WNT11: variants seen among roughly 807,000 people sequenced by gnomAD.
WNT11 encodes the protein protein Wnt-11.
Under a neutral mutation model 35.6 loss-of-function variants are expected in WNT11, and 20 were observed. The ratio of observed to expected loss-of-function variants is 0.56; its 90% CI spans 0.40 to 0.82. The LOEUF is 0.82. Ranked by LOEUF, WNT11 falls within the 40% of genes least tolerant of loss-of-function variation. The pLI, the probability that WNT11 is intolerant of heterozygous loss-of-function variation, is 0.00. For synonymous variants in WNT11, 200 were observed against 211.9 expected (o/e 0.94, Z 0.49); for missense variants, 459 against 504.4 (o/e 0.91, Z 0.86).
upstream of WNT11, chr11:76,210,469 C>T (rs1458663724): frequency 3.0e-6 from 3 of 985,250 alleles, no homozygotes; most frequent in Non-Finnish European, 2.4e-6. Context: ...GACCACTGCT[C>T]ACCTCCCGGG....
At position 76,202,468 on chromosome 11, in the gene WNT11, C is replaced by T. The variant is rs117560486; in HGVS notation, c.83+3857G>A. ...GTGTCTCTTTGGGCTTTCCTGGGCCCCACCTCATGCTGGTGCCCATGTGGC... is the reference window on the plus strand; with the variant it reads ...GTGTCTCTTTGGGCTTTCCTGGGCCTCACCTCATGCTGGTGCCCATGTGGC... On this transcript the variant is annotated intron_variant, in intron 1 of 4. Coordinates refer to ENST00000322563, the MANE Select transcript of WNT11 (RefSeq NM_004626.3). Among the ~76,000 whole-genome samples, 998 of 152,296 alleles carry T rather than the reference C, an allele frequency of 6.6e-3. 8 individuals are homozygous for T. The highest frequency in any genetic ancestry group is 0.024 in the Middle Eastern group (7 of 294).
chr11:76,194,550 G>A lies in WNT11; in HGVS notation c.597+17C>T, dbSNP rs1256422001. ...CACAAGCACAACTATCTGGGGGTGG[G>A]TGGGGTGGGTGGTTACCTGTCTCCC... is the stretch of plus-strand genomic sequence containing the variant. On this transcript the variant is annotated intron_variant, in intron 3 of 4. Transcript: ENST00000322563. The surrounding 1 kb of genome is among the most constrained non-coding windows in gnomAD (Gnocchi z 5.4). 1 of 1,533,624 alleles carries A rather than the reference G, an allele frequency of 6.5e-7. No individual in the cohort carries two copies. The highest frequency in any genetic ancestry group is 2.0e-5 in the Admixed American group (1 of 50,298).
In WNT11 at chr11:76,194,756, G is replaced by T; in HGVS notation, c.408C>A (p.Pro136=). The change falls in exon 3 of 5, where the codon CCC becomes CCA. Residue 136 remains proline, a synonymous_variant. Coordinates refer to ENST00000322563, the MANE Select transcript of WNT11 (RefSeq NM_004626.3). The surrounding 1 kb of genome is among the most constrained non-coding windows in gnomAD (Gnocchi z 5.4). The part of the protein sequence containing the change: ...IARACTSGDL[P]GCSCGPVPGE... ...CTGGGACGGGGCCGCAGGAGCAGCC[G>T]GGCAGGTCGCCGGAGGTGCAGGCCC... is the stretch of plus-strand genomic sequence containing the variant. 6.4e-7 allele frequency: 1 copy of T among 1,553,816 alleles called. No homozygotes were observed. The highest frequency in any genetic ancestry group is 8.7e-7 in the Non-Finnish European group (1 of 1,150,050).
intron 1 of WNT11, among the ~76,000 whole-genome samples, chr11:76,202,569 C>T (rs2134598543): frequency 6.6e-6 from 1 of 152,048 alleles, no homozygotes; most frequent in Admixed American, 6.5e-5. Flanking sequence ...CCGTCTACTC[C>T]CCTGGGGCAA....
At position 76,187,045 on chromosome 11, in the gene WNT11, G is replaced by A. The variant is rs748616228; in HGVS notation, c.*20C>T. ...CCTTGAGCAGAGTCCTCGCTCCTGCGTGGGGCGGAGGGCAGGGCCTCACTT... is the reference window on the plus strand; with the variant it reads ...CCTTGAGCAGAGTCCTCGCTCCTGCATGGGGCGGAGGGCAGGGCCTCACTT... On this transcript the variant is annotated 3_prime_UTR_variant, in exon 5 of 5. Transcript: ENST00000322563. 1.7e-5 allele frequency: 28 copies of A among 1,606,928 alleles called. No individual in the cohort carries two copies. The highest frequency in any genetic ancestry group is 8.8e-5 in the South Asian group (8 of 91,070).
chr11:76,196,772 G>T, intron 1 of WNT11, 54 bp from the exon 2 acceptor site: 1 of 1,513,470 alleles, frequency 6.6e-7, no homozygotes, highest in Non-Finnish European at 8.9e-7. Context: ...GGTTGTCAGG[G>T]GCCACATGGC....
chr11:76,201,086 C>T (rs964200752), intron 1 of WNT11, among the ~76,000 whole-genome samples: 9 of 152,166 alleles, frequency 5.9e-5, no homozygotes, highest in Non-Finnish European at 1.2e-4. Context: ...CTGGAGCTAC[C>T]CTGGGTCTCA....
chr11:76,206,038 C>A (rs1343001849), intron 1 of WNT11, among the ~76,000 whole-genome samples: 2 of 152,260 alleles, frequency 1.3e-5, no homozygotes, highest in East Asian at 1.9e-4. Flanking sequence ...CCATCTGCCC[C>A]TGCGGAGGTG....
At position 76,194,754 on chromosome 11, in the gene WNT11, C is replaced by T; in HGVS notation, c.410G>A (p.Gly137Asp). 2 of 1,553,056 alleles carry T rather than the reference C, an allele frequency of 1.3e-6. No homozygotes were observed. Among genetic ancestry groups the T allele is most frequent in the East Asian group, 2.4e-5 (1 of 41,324 alleles). ...ARACTSGDLP[G>D]CSCGPVPGEP... The stretch of plus-strand genomic sequence containing the variant: ...ACCTGGGACGGGGCCGCAGGAGCAG[C>T]CGGGCAGGTCGCCGGAGGTGCAGGC... The change falls in exon 3 of 5, where the codon GGC (glycine) becomes GAC (aspartate). Residue 137 changes from glycine to aspartate, a missense_variant. Coordinates refer to ENST00000322563, the MANE Select transcript of WNT11 (RefSeq NM_004626.3). This position sits in a 1 kb window ranked among gnomAD's most constrained non-coding sequence, Gnocchi z 5.4.
intron 4 of WNT11, 114 bp downstream of exon 4, chr11:76,191,450 G>C: frequency 8.1e-7 from 1 of 1,229,344 alleles, no homozygotes; most frequent in Non-Finnish European, 1.1e-6. Context: ...AACTGAGCAG[G>C]GTCTCCATTC....
intron 4 of WNT11, among the ~76,000 whole-genome samples, chr11:76,190,486 T>G (rs1953166670): frequency 6.6e-6 from 1 of 151,966 alleles, no homozygotes; most frequent in Non-Finnish European, 1.5e-5. Flanking sequence ...CCCTGGCCTG[T>G]GGGGATGCAG....
At chr11:76,204,368 G>A (rs1309374342) in intron 1 of WNT11, among the ~76,000 whole-genome samples, 1 of 152,202 alleles carries the variant, frequency 6.6e-6, no homozygotes, top group Non-Finnish European at 1.5e-5. Flanking sequence ...GCACTTAGGA[G>A]TAGGCTCTTG....
chr11:76,186,848 C>A lies in WNT11; in HGVS notation c.*217G>T, dbSNP rs1164092614. The A allele has an allele frequency of 2.7e-6, 2 of 730,674 alleles. No individual in the cohort carries two copies. The highest frequency in any genetic ancestry group is 1.7e-5 in the African/African-American group (1 of 57,712). 45.3% of individuals were successfully genotyped at this position (730,674 alleles called of 1,614,324 possible). A position where few individuals can be genotyped will look rare whatever the true frequency, so the allele number is the denominator to read the frequency against. On this transcript the variant is annotated 3_prime_UTR_variant, in exon 5 of 5. Transcript: ENST00000322563. ...CTCAGGCTGCCAAGTTATTTTTAATCTTGTCGGTTTCCTTTGATGTCCTGC... is the reference window on the plus strand; with the variant it reads ...CTCAGGCTGCCAAGTTATTTTTAATATTGTCGGTTTCCTTTGATGTCCTGC...
chr11:76,194,626 T>C lies in WNT11; in HGVS notation c.538A>G (p.Lys180Glu). Residue 180 changes from lysine to glutamate, a missense_variant, in exon 3 of 5, where the codon AAA becomes GAA. By Grantham distance (56) the Lys-to-Glu change is moderately conservative. Transcript: ENST00000322563. This position sits in a 1 kb window ranked among gnomAD's most constrained non-coding sequence, Gnocchi z 5.4. ...AGTTTATTGGCTTGGGATCCTGTTTTTTTCACCTTCATAGGAGCATCGGAA... is the reference window on the plus strand; with the variant it reads ...AGTTTATTGGCTTGGGATCCTGTTTCTTTCACCTTCATAGGAGCATCGGAA... ...KFSDAPMKVK[K>E]TGSQANKLMR... The C allele has an allele frequency of 6.4e-7, 1 of 1,550,608 alleles. No individual in the cohort carries two copies. The highest frequency in any genetic ancestry group is 8.7e-7 in the Non-Finnish European group (1 of 1,146,944).
rs1396130138 is a variant in WNT11 at position 76,187,030 on chromosome 11, A to T, written c.*35T>A. On this transcript the variant is annotated 3_prime_UTR_variant, in exon 5 of 5. Coordinates refer to ENST00000322563, the MANE Select transcript of WNT11 (RefSeq NM_004626.3). ...CCAGTTGCTGAGGGTCCTTGAGCAG[A>T]GTCCTCGCTCCTGCGTGGGGCGGAG... The T allele has an allele frequency of 5.0e-6, 8 of 1,604,400 alleles. No homozygotes were observed. The Admixed American group carries it at 1.3e-4, about 27-fold the overall frequency.
At chr11:76,210,692 G>C (rs1486359820), upstream of WNT11, 1 of 983,582 alleles carries the variant, frequency 1.0e-6, no homozygotes, top group East Asian at 1.1e-4. Flanking sequence ...GCTGCTCTCT[G>C]CTGCGCTCAG....
rs930028138 is a variant in WNT11, at chr11:76,206,441, A to G, written c.-34T>C. On this transcript the variant is annotated 5_prime_UTR_variant, in exon 1 of 5. Transcript: ENST00000322563. ...GGCGGGCGCGCCCGGGGTCACACCC[A>G]GGAGGAGCCGCGCCGAAGTCCTCCG... The G allele has an allele frequency of 4.0e-5, 56 of 1,416,078 alleles. No homozygotes were observed. The highest frequency in any genetic ancestry group is 5.1e-5 in the Non-Finnish European group (55 of 1,086,148). The allele number at this position is 1,416,078 out of a possible 1,614,324, so 87.7% of individuals were successfully genotyped here. A position where few individuals can be genotyped will look rare whatever the true frequency, so the allele number is the denominator to read the frequency against.
In WNT11 at chr11:76,188,745, G is replaced by T. The variant is rs80217426; in HGVS notation, c.891-1506C>A. On this transcript the variant is annotated intron_variant, in intron 4 of 4. Transcript: ENST00000322563. ...GTACAAGGTCTGTGAGAGTTCAGCA[G>T]GGCCTCCTGGAAGAGGAAAGGCCAT... Among the ~76,000 whole-genome samples the T allele has an allele frequency of 4.2e-3, 642 of 152,380 alleles. 2 individuals are homozygous for T. The highest frequency in any genetic ancestry group is 0.015 in the African/African-American group (614 of 41,584).
intron 1 of WNT11, among the ~76,000 whole-genome samples, chr11:76,204,685 G>A (rs185790015): frequency 6.6e-6 from 1 of 152,318 alleles, no homozygotes; most frequent in East Asian, 1.9e-4. Flanking sequence ...TTCTGTGGCA[G>A]CCTGACTTTG....
Sources: allele counts gnomAD v4.1 joint callset (sites outside exome capture counted in the v4.1 genomes callset), GRCh38; gene constraint gnomAD v4.1.1; non-coding constraint Gnocchi (gnomAD v3.1); transcripts MANE v1.5; gene names NCBI Gene and HGNC (gene_info 2026-07-23, HGNC 2026-07-21).